The following LRBA variants were observed in gnomAD, a reference collection of about 807,000 sequenced individuals.
LRBA encodes the protein LPS responsive beige-like anchor protein.
Under a neutral mutation model 330.0 loss-of-function variants are expected in LRBA, and 176 were observed. The observed-to-expected ratio is 0.53, with a 90% confidence interval of 0.47 to 0.60. The LOEUF (loss-of-function observed/expected upper bound fraction) is 0.60. LRBA is among the 20% of genes least tolerant of loss of function. The probability of loss-of-function intolerance (pLI) is 0.00; values close to 1 mark genes in which losing one functional copy is unlikely to be tolerated. For synonymous variants in LRBA, 1,230 were observed against 1,193.0 expected (o/e 1.03, Z -0.64); for missense variants, 3,259 against 3,444.8 (o/e 0.95, Z 1.35).
intron 48 of LRBA, among the ~76,000 whole-genome samples, chr4:150,328,124 C>CTAAT (rs1013370379): frequency 2.6e-5 from 4 of 152,082 alleles, no homozygotes; most frequent in African/African-American, 9.7e-5. Flanking sequence ...AAATACAAAA[C>CTAAT]TAATTCCTTT....
Position 150,310,333 on chromosome 4 carries a change from C to T in LRBA, c.7745G>A (p.Ser2582Asn). Residue 2582 changes from serine to asparagine, a missense_variant, in exon 52 of 57, where the codon AGT (serine) becomes AAT (asparagine). By Grantham distance (46) the Ser-to-Asn change is conservative. Transcript: ENST00000651943. ...RRQITDLLDQ[S>N]IQVHSQCFVI... Reference sequence around the variant, plus strand: ...AAAGCACTGGGAATGCACTTGAATACTTTGGTCTAAAAGGTCAGTGATTTG... The same window carrying T: ...AAAGCACTGGGAATGCACTTGAATATTTTGGTCTAAAAGGTCAGTGATTTG... 6.2e-7 allele frequency: 1 copy of T among 1,613,132 alleles called. No homozygotes were observed. The highest frequency in any genetic ancestry group is 8.5e-7 in the Non-Finnish European group (1 of 1,179,324).
chr4:150,884,978 T>A (rs1393085405), intron 17 of LRBA, among the ~76,000 whole-genome samples: 2 of 151,844 alleles, frequency 1.3e-5, no homozygotes, highest in African/African-American at 4.8e-5. Flanking sequence ...AAAGACCAAA[T>A]GGAAATTCTA....
intron 46 of LRBA, among the ~76,000 whole-genome samples, chr4:150,422,280 C>A (rs951343733): frequency 6.6e-6 from 1 of 152,034 alleles, no homozygotes; most frequent in Admixed American, 6.6e-5. Flanking sequence ...ACCCAAAAAA[C>A]CCCCCATCAT....
intron 16 of LRBA, among the ~76,000 whole-genome samples, chr4:150,896,178 G>C: frequency 6.6e-6 from 1 of 152,010 alleles, no homozygotes; most frequent in East Asian, 1.9e-4. Flanking sequence ...TCTAATGTTA[G>C]TACTTTTTAA....
At chr4:150,731,736 G>A (rs960584661) in intron 36 of LRBA, among the ~76,000 whole-genome samples, 2 of 151,832 alleles carry the variant, frequency 1.3e-5, no homozygotes, top group African/African-American at 4.8e-5. Context: ...ATGATCTATA[G>A]GTATAAAAAA....
chr4:150,264,940 T>C lies in LRBA; in HGVS notation c.*782A>G, dbSNP rs1398796611. The C allele has an allele frequency of 2.0e-5, 3 of 152,656 alleles. No individual in the cohort carries two copies. Among genetic ancestry groups the C allele is most frequent in the Admixed American group, 6.5e-5 (1 of 15,290 alleles). The allele number at this position is 152,656 out of a possible 1,614,324, so 9.5% of individuals were successfully genotyped here. A position where few individuals can be genotyped will look rare whatever the true frequency, so the allele number is the denominator to read the frequency against. On this transcript the variant is annotated 3_prime_UTR_variant, in exon 57 of 57. Coordinates refer to ENST00000651943, the MANE Select transcript of LRBA (RefSeq NM_001364905.1). ...CAAAACAACAGTGGCTCCGCCTCAT[T>C]GTCCAGGCACAGGCAAACCGCAGTA... is the stretch of plus-strand genomic sequence containing the variant.
chr4:150,870,418 C>T (rs1753282240), intron 20 of LRBA, 107 bp downstream of exon 20: 5 of 713,282 alleles, frequency 7.0e-6, no homozygotes, highest in South Asian at 6.0e-5. Flanking sequence ...CTTAATGAAA[C>T]ATTCATCTAA....
At chr4:150,419,421 G>T (rs1245722371) in intron 46 of LRBA, among the ~76,000 whole-genome samples, 1 of 152,014 alleles carries the variant, frequency 6.6e-6, no homozygotes, top group African/African-American at 2.4e-5. Flanking sequence ...AGTTTTCTAG[G>T]TATCACACAA....
At chr4:150,810,026 C>T (rs1743487458) in intron 31 of LRBA, among the ~76,000 whole-genome samples, 1 of 152,068 alleles carries the variant, frequency 6.6e-6, no homozygotes, top group African/African-American at 2.4e-5. Flanking sequence ...TTTGGTAAGG[C>T]AAATAAGGTT....
At chr4:150,669,868 T>C (rs1781899247) in intron 37 of LRBA, among the ~76,000 whole-genome samples, 1 of 152,158 alleles carries the variant, frequency 6.6e-6, no homozygotes, top group Admixed American at 6.5e-5. Flanking sequence ...GTCCGGCCAA[T>C]ATTTTCACTT....
At chr4:150,316,716 C>T (rs747912854) in intron 50 of LRBA, among the ~76,000 whole-genome samples, 3 of 152,098 alleles carry the variant, frequency 2.0e-5, no homozygotes, top group Non-Finnish European at 2.9e-5. Context: ...GGACCTCAAC[C>T]CTGGCTCTTG....
chr4:150,797,927 T>G (rs2126670740), intron 34 of LRBA, among the ~76,000 whole-genome samples, 154 bp downstream of exon 34: 2 of 152,274 alleles, frequency 1.3e-5, no homozygotes, highest in Non-Finnish European at 2.9e-5. Context: ...AAATAAGAAG[T>G]AATCCTTTTG....
At chr4:150,522,612 C>G (rs185852172) in intron 40 of LRBA, among the ~76,000 whole-genome samples, 2 of 152,208 alleles carry the variant, frequency 1.3e-5, no homozygotes, top group Non-Finnish European at 2.9e-5. Context: ...GCTCACCAAC[C>G]AGCACAGCTC....
chr4:150,284,205 G>A (rs191546405), intron 54 of LRBA, among the ~76,000 whole-genome samples: 61 of 152,264 alleles, frequency 4.0e-4, no homozygotes, highest in Middle Eastern at 3.4e-3. Context: ...TAACAAAAAT[G>A]TCCCAGAATT....
intron 40 of LRBA, among the ~76,000 whole-genome samples, chr4:150,511,040 T>C (rs1761772955): frequency 6.6e-6 from 1 of 152,034 alleles, no homozygotes; most frequent in Admixed American, 6.5e-5. Context: ...GTATTTTTAG[T>C]AGAGACAGGG....
intron 2 of LRBA, among the ~76,000 whole-genome samples, chr4:150,957,791 G>A (rs1461556618): frequency 6.7e-6 from 1 of 148,970 alleles, no homozygotes; most frequent in Non-Finnish European, 1.5e-5. Flanking sequence ...AAACAAAGGG[G>A]CTACAGGTCC....
At chr4:150,597,010 C>T in intron 38 of LRBA, 5 of 744,232 alleles carry the variant, frequency 6.7e-6, no homozygotes, top group Admixed American at 5.0e-5. Context: ...ATTTCAAACG[C>T]AAGTTTTGTT....
chr4:150,685,999 A>T (rs183679588), intron 36 of LRBA, among the ~76,000 whole-genome samples: 2 of 152,214 alleles, frequency 1.3e-5, no homozygotes. Context: ...CAGGAATCAT[A>T]GTATACTTAT....
chr4:150,838,365 G>A (rs1321508613), intron 28 of LRBA, among the ~76,000 whole-genome samples: 1 of 152,094 alleles, frequency 6.6e-6, no homozygotes, highest in Admixed American at 6.6e-5. Flanking sequence ...AAGTCCTCCT[G>A]GATAATATAC....
Sources: allele counts gnomAD v4.1 joint callset (sites outside exome capture counted in the v4.1 genomes callset), GRCh38; gene constraint gnomAD v4.1.1; transcripts MANE v1.5; gene names NCBI Gene and HGNC (gene_info 2026-07-23, HGNC 2026-07-21).